The following PRKCZ variants were observed in gnomAD, a reference collection of about 807,000 sequenced individuals.
PRKCZ encodes protein kinase C zeta type.
Under a neutral mutation model 79.5 loss-of-function variants are expected in PRKCZ, and 33 were observed. The ratio of observed to expected loss-of-function variants is 0.41; its 90% confidence interval spans 0.31 to 0.55. PRKCZ has a LOEUF of 0.55. PRKCZ is among the 20% of genes least tolerant of loss of function. The pLI, the probability that PRKCZ is intolerant of heterozygous loss-of-function variation, is 0.19. For synonymous variants in PRKCZ, 342 were observed against 320.9 expected (o/e 1.07, Z -0.70); for missense variants, 578 against 813.5 (o/e 0.71, Z 3.52).
chr1:2,108,297 T>A (rs1668998349), intron 4 of PRKCZ, among the ~76,000 whole-genome samples: 2 of 152,170 alleles, frequency 1.3e-5, no homozygotes. Context: ...CCTGCTCACC[T>A]CCTCCAGGAA....
intron 5 of PRKCZ, 33 bp downstream of exon 5, chr1:2,135,380 G>A: frequency 1.3e-6 from 2 of 1,548,774 alleles, no homozygotes; most frequent in Non-Finnish European, 1.8e-6. Context: ...GTCCCTCAAG[G>A]GGCCTTTTGT....
chr1:2,180,533 CGCACGGACGACGTGGAT>C (rs938035377), intron 16 of PRKCZ, among the ~76,000 whole-genome samples: 1 of 150,988 alleles, frequency 6.6e-6, no homozygotes, highest in African/African-American at 2.5e-5. Context: ...ATGACGTGGA[CGCACGGACGACGTGGAT>C]GCATGGACGA....
At chr1:2,134,688 TCG>T (rs1428045285) in intron 4 of PRKCZ, 1 of 152,230 alleles carries the variant, frequency 6.6e-6, no homozygotes, top group Non-Finnish European at 1.5e-5. Flanking sequence ...TAAAGGAAAC[TCG>T]ACTGGAGAGC....
Position 2,130,887 on chromosome 1 carries a change from C to T in PRKCZ, c.335-4375C>T, listed in dbSNP as rs750422159. Among the ~76,000 whole-genome samples the T allele has an allele frequency of 5.9e-5, 9 of 152,246 alleles. No individual in the cohort carries two copies. In the South Asian group the frequency reaches 6.2e-4, roughly 11 times the overall value. On this transcript the variant is annotated intron_variant, in intron 4 of 17. Transcript: ENST00000378567. ...GCCCTTCCTTGGCACTTGGCATCCACGCATATCCCCTTAAGCCACACTCAG... is the reference window on the plus strand; with the variant it reads ...GCCCTTCCTTGGCACTTGGCATCCATGCATATCCCCTTAAGCCACACTCAG...
rs1162774798 is a variant in PRKCZ, at chr1:2,050,566, C to A, written c.-65C>A. 1 of 1,064,242 alleles carries A rather than the reference C, an allele frequency of 9.4e-7. No individual in the cohort carries two copies. Among genetic ancestry groups the A allele is most frequent in the Non-Finnish European group, 1.2e-6 (1 of 840,750 alleles). 65.9% of individuals were successfully genotyped at this position (1,064,242 alleles called of 1,614,324 possible). A position where few individuals can be genotyped will look rare whatever the true frequency, so the allele number is the denominator to read the frequency against. On this transcript the variant is annotated 5_prime_UTR_variant, in exon 1 of 18. Transcript: ENST00000378567. ...GTTCCGCCGCGGCCCCACCTGGAGC[C>A]CCCGCCCCGCGCCATGGCCGGAGCT...
chr1:2,185,332 CCTG>C lies in PRKCZ; in HGVS notation c.*326_*328del, dbSNP rs1388639033. On this transcript the variant is annotated 3_prime_UTR_variant, in exon 18 of 18. Coordinates refer to ENST00000378567, the MANE Select transcript of PRKCZ (RefSeq NM_002744.6). ...ACGGAAACAGAACTCGATGCACTGA[CCTG>C]CTCCGCCAGGAAAGTGAGCGTGTAG... 1 of 718,796 alleles carries C rather than the reference CCTG, an allele frequency of 1.4e-6. No homozygotes were observed. Among genetic ancestry groups the C allele is most frequent in the South Asian group, 1.5e-5 (1 of 67,600 alleles). The allele number at this position is 718,796 out of a possible 1,614,324, so 44.5% of individuals were successfully genotyped here.
rs542486802 is a variant in PRKCZ, at chr1:2,055,135, G to A, written c.72-306G>A. 6.6e-3 allele frequency among the ~76,000 whole-genome samples: 1,005 copies of A among 152,038 alleles called. 5 individuals carry two copies. The highest frequency in any genetic ancestry group is 0.011 in the Non-Finnish European group (779 of 67,978). On this transcript the variant is annotated intron_variant, in intron 1 of 17. Transcript: ENST00000378567. ...TTTTTTGTATTTTTAGTAGAGACGG[G>A]GTTTCACCGTGTTAGCCAGGATGGT... is the stretch of plus-strand genomic sequence containing the variant.
At chr1:2,179,927 G>T (rs1384549844) in intron 16 of PRKCZ, among the ~76,000 whole-genome samples, 1 of 152,212 alleles carries the variant, frequency 6.6e-6, no homozygotes. Flanking sequence ...GCAGAGGAGG[G>T]CAGGTGACAA....
chr1:2,103,862 T>C (rs917865223), intron 4 of PRKCZ, among the ~76,000 whole-genome samples: 6 of 151,916 alleles, frequency 3.9e-5, no homozygotes, highest in African/African-American at 1.5e-4. Context: ...GAGGCGGCAG[T>C]GGGAGGAGAG....
intron 16 of PRKCZ, chr1:2,182,180 G>T: frequency 4.5e-6 from 1 of 223,322 alleles, no homozygotes; most frequent in South Asian, 5.1e-5. Context: ...TTTTTTCCAC[G>T]ATTCCGTTCC....
intron 16 of PRKCZ, among the ~76,000 whole-genome samples, chr1:2,183,387 C>G (rs992294835): frequency 2.6e-5 from 4 of 151,490 alleles, no homozygotes; most frequent in African/African-American, 9.7e-5. Context: ...GAGCAAGACT[C>G]CATCTCAAAA....
chr1:2,055,631 C>G (rs1024568219), intron 2 of PRKCZ, 69 bp downstream of exon 2: 46 of 1,551,164 alleles, frequency 3.0e-5, no homozygotes, highest in Non-Finnish European at 3.7e-5. Flanking sequence ...CCTCTGTGTG[C>G]GGAGTGTGCT....
intron 5 of PRKCZ, among the ~76,000 whole-genome samples, chr1:2,137,168 A>G (rs934589960): frequency 6.6e-6 from 1 of 152,174 alleles, no homozygotes. Flanking sequence ...AGGCCCAAGA[A>G]CCTGGAATCT....
intron 4 of PRKCZ, chr1:2,135,021 A>G (rs772329683): frequency 2.5e-6 from 1 of 400,862 alleles, no homozygotes; most frequent in Non-Finnish European, 4.6e-6. Flanking sequence ...CTGCGAGGAC[A>G]CCTGGCTCCA....
chr1:2,109,430 C>G (rs1044526898), intron 4 of PRKCZ, among the ~76,000 whole-genome samples: 1 of 152,186 alleles, frequency 6.6e-6, no homozygotes, highest in Admixed American at 6.5e-5. Flanking sequence ...GTGGTGCACA[C>G]GATACCTGCT....
chr1:2,074,470 C>T (rs13303058), intron 4 of PRKCZ, among the ~76,000 whole-genome samples: 4,038 of 152,220 alleles, frequency 0.027, 74 homozygotes, highest in Non-Finnish European at 0.041. Flanking sequence ...ATGGCCGCTT[C>T]GTCTCCATTC....
In PRKCZ at chr1:2,178,624, C is replaced by T. The variant is rs1685941964; in HGVS notation, c.1575+3311C>T. ...GCAGGTCCGGTGGTCTCAGTCTAGC[C>T]TTTCAGGGGGGCCACCTGTTCCTGC... On this transcript the variant is annotated intron_variant, in intron 16 of 17. Coordinates refer to ENST00000378567, the MANE Select transcript of PRKCZ (RefSeq NM_002744.6). This position sits in a 1 kb window ranked among gnomAD's most constrained non-coding sequence, Gnocchi z 4.3. Among the ~76,000 whole-genome samples the T allele has an allele frequency of 6.6e-6, 1 of 152,148 alleles. No homozygotes were observed. Among genetic ancestry groups the T allele is most frequent in the Non-Finnish European group, 1.5e-5 (1 of 68,018 alleles).
At chr1:2,158,971 G>A (rs1006458398) in intron 10 of PRKCZ, among the ~76,000 whole-genome samples, 1 of 151,954 alleles carries the variant, frequency 6.6e-6, no homozygotes, top group Non-Finnish European at 1.5e-5. Flanking sequence ...TGTCACCCAG[G>A]CTGGAGTGCA....
In PRKCZ at chr1:2,149,986, G is replaced by A. The variant is rs1338475271; in HGVS notation, c.688-804G>A. 2.7e-5 allele frequency among the ~76,000 whole-genome samples: 4 copies of A among 150,176 alleles called. No individual in the cohort carries two copies. The highest frequency in any genetic ancestry group is 6.6e-5 in the Admixed American group (1 of 15,076). The stretch of plus-strand genomic sequence containing the variant: ...ATCCTGGCTAACACGGTGAAACCCC[G>A]TCTCTACTAAAAATACAAAAAAAAA... On this transcript the variant is annotated intron_variant, in intron 8 of 17. Coordinates refer to ENST00000378567, the MANE Select transcript of PRKCZ (RefSeq NM_002744.6). This position sits in a 1 kb window ranked among gnomAD's most constrained non-coding sequence, Gnocchi z 4.1.
Sources: gnomAD v4.1 joint callset for allele counts (sites outside exome capture counted in the v4.1 genomes callset) on GRCh38, gnomAD v4.1.1 for gene constraint, Gnocchi (gnomAD v3.1) non-coding constraint, MANE v1.5 for transcripts, NCBI Gene and HGNC (gene_info 2026-07-23, HGNC 2026-07-21) for gene names.